Variants in MAF observed in about 807,000 individuals in gnomAD.
MAF encodes the protein MAF bZIP transcription factor, also known as transcription factor Maf.
MAF carries 10 observed loss-of-function variants against 22.0 expected under a neutral mutation model. The observed-to-expected ratio is 0.45, with a 90% CI of 0.28 to 0.77. MAF has a LOEUF of 0.77. Ranked by LOEUF, MAF falls within the 30% of genes least tolerant of loss-of-function variation. The probability of loss-of-function intolerance (pLI) is 0.12; values close to 1 mark genes in which losing one functional copy is unlikely to be tolerated. For missense variants in MAF, 544 were observed against 548.4 expected (o/e 0.99, Z 0.08); for synonymous variants, 337 against 255.8 (o/e 1.32, Z -3.03).
chr16:79,540,256 T>G, the MAF span, among the ~76,000 whole-genome samples: 1 of 151,488 alleles, frequency 6.6e-6, no homozygotes, highest in South Asian at 2.1e-4. Flanking sequence ...ACACAGCACC[T>G]CCTTGTAATC....
the MAF span, among the ~76,000 whole-genome samples, chr16:79,444,193 TAC>T: frequency 6.6e-5 from 10 of 151,302 alleles, no homozygotes; most frequent in East Asian, 3.9e-4. Context: ...TACACACACA[TAC>T]ACACACACAC....
At chr16:79,253,536 G>C in the MAF span, among the ~76,000 whole-genome samples, 2 of 152,126 alleles carry the variant, frequency 1.3e-5, no homozygotes, top group Admixed American at 6.5e-5. Flanking sequence ...AAGCTAGCAC[G>C]TGGCCTCTCT....
chr16:79,516,753 G>A, the MAF span, among the ~76,000 whole-genome samples: 11 of 152,162 alleles, frequency 7.2e-5, no homozygotes, highest in Non-Finnish European at 1.5e-4. Flanking sequence ...CCACTATCTG[G>A]TGTTTCCCAG....
chr16:79,474,307 T>C, the MAF span, among the ~76,000 whole-genome samples: 489 of 152,310 alleles, frequency 3.2e-3, 6 homozygotes, highest in African/African-American at 0.011. Context: ...GTTGTACTAT[T>C]ACCATTTATA....
chr16:79,227,506 G>A, the MAF span, among the ~76,000 whole-genome samples: 3 of 151,944 alleles, frequency 2.0e-5, no homozygotes, highest in Admixed American at 6.6e-5. Flanking sequence ...TGCCATGGTC[G>A]AGTAACGGTA....
the MAF span, among the ~76,000 whole-genome samples, chr16:79,418,896 C>T: frequency 6.6e-6 from 1 of 152,194 alleles, no homozygotes; most frequent in South Asian, 2.1e-4. Flanking sequence ...TCCTGCTCCT[C>T]TGCTGGGGGC....
the MAF span, among the ~76,000 whole-genome samples, chr16:79,417,956 C>T: frequency 5.9e-5 from 9 of 152,128 alleles, no homozygotes; most frequent in Admixed American, 3.9e-4. Flanking sequence ...CGGAGAGTTT[C>T]CCCCGACTGG....
the MAF span, among the ~76,000 whole-genome samples, chr16:79,320,717 T>C: frequency 1.3e-5 from 2 of 152,230 alleles, no homozygotes; most frequent in Non-Finnish European, 2.9e-5. Context: ...CATAGAGCTG[T>C]TGTGAACATT....
At chr16:79,211,564 C>T in the MAF span, 13 of 1,613,546 alleles carry the variant, frequency 8.1e-6, no homozygotes, top group Non-Finnish European at 1.0e-5. Flanking sequence ...TCTCATCACT[C>T]CTTTTCTTAA....
At chr16:79,229,085 T>G in the MAF span, among the ~76,000 whole-genome samples, 7 of 151,956 alleles carry the variant, frequency 4.6e-5, no homozygotes, top group African/African-American at 1.7e-4. Context: ...CACGGAGCTG[T>G]GTGATCCTGG....
chr16:79,307,986 T>C, the MAF span, among the ~76,000 whole-genome samples: 1 of 152,226 alleles, frequency 6.6e-6, no homozygotes, highest in African/African-American at 2.4e-5. Flanking sequence ...AACTACCTCC[T>C]TGTCCTCTAA....
the MAF span, among the ~76,000 whole-genome samples, chr16:79,283,012 C>T: frequency 6.6e-6 from 1 of 152,220 alleles, no homozygotes. Flanking sequence ...CCACAAATGT[C>T]AAACCTGCAC....
At chr16:79,208,323 G>A in the MAF span, among the ~76,000 whole-genome samples, 8 of 151,446 alleles carry the variant, frequency 5.3e-5, no homozygotes, top group Admixed American at 4.6e-4. Flanking sequence ...CACCTCCCCC[G>A]TTTCCCATGA....
At chr16:79,528,891 C>T in the MAF span, among the ~76,000 whole-genome samples, 9 of 152,284 alleles carry the variant, frequency 5.9e-5, no homozygotes, top group Non-Finnish European at 7.4e-5. Flanking sequence ...CCTTCCCTTT[C>T]GTCCCATCTA....
the MAF span, among the ~76,000 whole-genome samples, chr16:79,320,836 G>A: frequency 6.6e-6 from 1 of 152,274 alleles, no homozygotes; most frequent in Non-Finnish European, 1.5e-5. Flanking sequence ...TTTATATATT[G>A]ATTATCTCAT....
In MAF at chr16:79,599,341, CGTGGTG is replaced by C. The variant is rs1029898670; in HGVS notation, c.556_561del (p.His186_His187del). ...GTCGGGTGGTGGTGGTGGCCGGCGG[CGTGGTG>C]GTGGTGGTGGTGGTAGTGCGGGCCC... On this transcript the variant is annotated inframe_deletion, in exon 1 of 2. Coordinates refer to ENST00000326043, the MANE Select transcript of MAF (RefSeq NM_005360.5). 4.1e-6 allele frequency: 4 copies of C among 987,328 alleles called. No homozygotes were observed. The highest frequency in any genetic ancestry group is 1.8e-5 in the African/African-American group (1 of 56,564). 61.2% of individuals were successfully genotyped at this position (987,328 alleles called of 1,614,324 possible).
chr16:79,358,564 C>A, the MAF span, among the ~76,000 whole-genome samples: 22 of 152,260 alleles, frequency 1.4e-4, 1 homozygote, highest in Admixed American at 1.1e-3. Context: ...CGTGAGACTG[C>A]AGTGAAGGAT....
the MAF span, among the ~76,000 whole-genome samples, chr16:79,369,159 C>G: frequency 6.6e-6 from 1 of 152,200 alleles, no homozygotes; most frequent in African/African-American, 2.4e-5. Context: ...AATGAGGCAA[C>G]TAGAAGTTAG....
the MAF span, among the ~76,000 whole-genome samples, chr16:79,536,295 C>T: frequency 6.6e-6 from 1 of 152,198 alleles, no homozygotes; most frequent in Non-Finnish European, 1.5e-5. Flanking sequence ...GTCAGCCTTC[C>T]ATATTTGTGG....
Sources: gnomAD v4.1 joint callset for allele counts (sites outside exome capture counted in the v4.1 genomes callset) on GRCh38, gnomAD v4.1.1 for gene constraint, MANE v1.5 for transcripts, NCBI Gene and HGNC (gene_info 2026-07-23, HGNC 2026-07-21) for gene names.